The following PRELID2 variants were observed in gnomAD, a reference collection of about 807,000 sequenced individuals.
PRELID2 encodes PRELI domain-containing protein 2.
Under a neutral mutation model 28.4 loss-of-function variants are expected in PRELID2, and 25 were observed. That is an observed-to-expected ratio of 0.88 (90% CI 0.64 to 1.23). The LOEUF (loss-of-function observed/expected upper bound fraction) is 1.23, where lower values mean the gene tolerates loss of function less well. Ranked by LOEUF, PRELID2 falls within the 50% of genes most tolerant of loss-of-function variation. PRELID2 has a pLI of 0.00. For synonymous variants in PRELID2, 76 were observed against 71.6 expected, an observed-to-expected ratio of 1.06 and a Z score of -0.31; for missense variants, 201 against 214.4, an observed-to-expected ratio of 0.94 and a Z score of 0.39.
At chr5:145,532,045 C>T (rs1315382987) in intron 1 of PRELID2, among the ~76,000 whole-genome samples, 1 of 152,028 alleles carries the variant, frequency 6.6e-6, no homozygotes, top group Non-Finnish European at 1.5e-5. Flanking sequence ...TAATGTCTGG[C>T]TTGTAGTAAC....
rs144432118 is a variant in PRELID2, at chr5:145,743,634, G to C, written n.70+21297C>G. Among the ~76,000 whole-genome samples the C allele has an allele frequency of 2.2e-3, 342 of 152,086 alleles. 2 individuals are homozygous for C. Among genetic ancestry groups the C allele is most frequent in the African/African-American group, 8.0e-3 (331 of 41,520 alleles). On this transcript the variant is annotated intron_variant and non_coding_transcript_variant, in intron 1 of 2. Coordinates refer to the PRELID2 transcript ENST00000510259. The stretch of plus-strand genomic sequence containing the variant: ...CAGCCAAGGGAGGTAGTGAGTGAGC[G>C]TGCTACCCAGCGTGGAAACCGTGCT...
At chr5:145,798,677 G>A (rs1455588072) in intron 4 of PRELID2, among the ~76,000 whole-genome samples, 2 of 152,150 alleles carry the variant, frequency 1.3e-5, no homozygotes, top group Non-Finnish European at 2.9e-5. Context: ...TATACACCAT[G>A]GAATAGTATG....
chr5:145,633,678 T>A (rs1021342070), intron 1 of PRELID2, among the ~76,000 whole-genome samples: 7 of 152,122 alleles, frequency 4.6e-5, no homozygotes, highest in African/African-American at 1.7e-4. Flanking sequence ...GACAGAAAAA[T>A]TTCACAAGTG....
chr5:145,409,105 T>C, the PRELID2 span, among the ~76,000 whole-genome samples: 1 of 152,176 alleles, frequency 6.6e-6, no homozygotes, highest in East Asian at 1.9e-4. Flanking sequence ...AGGAGTTTTG[T>C]ATCCAGCAAA....
chr5:145,400,130 G>T, the PRELID2 span, among the ~76,000 whole-genome samples: 3 of 152,074 alleles, frequency 2.0e-5, no homozygotes, highest in Admixed American at 1.3e-4. Context: ...TCAAATTCAG[G>T]CATCAGTCAT....
At chr5:145,267,752 G>A in the PRELID2 span, among the ~76,000 whole-genome samples, 8 of 152,228 alleles carry the variant, frequency 5.3e-5, no homozygotes, top group Non-Finnish European at 8.8e-5. Context: ...CATAGTGGTC[G>A]TGCTAATGTA....
the PRELID2 span, among the ~76,000 whole-genome samples, chr5:145,389,064 C>G: frequency 1.3e-5 from 2 of 152,074 alleles, no homozygotes; most frequent in African/African-American, 4.8e-5. Context: ...AAATATTTAC[C>G]AAATGAATAT....
intron 1 of PRELID2, among the ~76,000 whole-genome samples, chr5:145,621,918 T>C (rs1753779659): frequency 6.6e-6 from 1 of 152,172 alleles, no homozygotes; most frequent in Non-Finnish European, 1.5e-5. Context: ...ACACATTGCA[T>C]GCATGTATTA....
chr5:145,578,333 G>T (rs1324381704), intron 1 of PRELID2, among the ~76,000 whole-genome samples: 2 of 152,120 alleles, frequency 1.3e-5, no homozygotes, highest in Non-Finnish European at 2.9e-5. Context: ...AATGTGTGAA[G>T]CTTTTAAAAT....
At chr5:145,554,952 T>A (rs979456392) in intron 1 of PRELID2, among the ~76,000 whole-genome samples, 1 of 152,242 alleles carries the variant, frequency 6.6e-6, no homozygotes, top group Non-Finnish European at 1.5e-5. Context: ...GTATATATAT[T>A]AATACCTTCT....
intron 1 of PRELID2, among the ~76,000 whole-genome samples, chr5:145,570,265 A>G (rs1292701197): frequency 1.3e-5 from 2 of 152,184 alleles, no homozygotes; most frequent in Admixed American, 6.6e-5. Context: ...AGGGGACACA[A>G]TCCAACCCAT....
chr5:145,319,645 C>T, the PRELID2 span, among the ~76,000 whole-genome samples: 1 of 151,466 alleles, frequency 6.6e-6, no homozygotes, highest in Non-Finnish European at 1.5e-5. Flanking sequence ...CACTCTAGAA[C>T]TCCAGGTTGG....
At chr5:145,559,836 TAAA>T (rs59361990) in intron 1 of PRELID2, among the ~76,000 whole-genome samples, 49 of 142,254 alleles carry the variant, frequency 3.4e-4, no homozygotes, top group Admixed American at 9.0e-4. Flanking sequence ...TAAAAAGAGG[TAAA>T]AAAAAAAAAA....
the PRELID2 span, among the ~76,000 whole-genome samples, chr5:145,368,803 T>G: frequency 5.6e-3 from 856 of 152,012 alleles, 10 homozygotes; most frequent in African/African-American, 0.02. Context: ...TGTTGTTGTT[T>G]TTTTTCATTA....
At chr5:145,479,790 C>T (rs562399354) in intron 1 of PRELID2, among the ~76,000 whole-genome samples, 3 of 152,276 alleles carry the variant, frequency 2.0e-5, no homozygotes, top group African/African-American at 7.2e-5. Flanking sequence ...ATGATCCTTT[C>T]CTTAGCCACT....
chr5:145,832,524 CGTT>C (rs1258237235), intron 1 of PRELID2, among the ~76,000 whole-genome samples: 1 of 152,046 alleles, frequency 6.6e-6, no homozygotes, highest in Non-Finnish European at 1.5e-5. Flanking sequence ...CCTCAATAAT[CGTT>C]GAAGTGCCTA....
chr5:145,833,329 G>A (rs1268647084), intron 1 of PRELID2, among the ~76,000 whole-genome samples: 2 of 152,138 alleles, frequency 1.3e-5, no homozygotes, highest in Admixed American at 6.5e-5. Flanking sequence ...GTTCTGAGAA[G>A]GTGGAGATCA....
chr5:145,761,342 C>T lies in PRELID2; in HGVS notation c.*11-817G>A, dbSNP rs890553103. Among the ~76,000 whole-genome samples the T allele has an allele frequency of 7.9e-5, 12 of 152,168 alleles. 1 individual carries two copies. The highest frequency in any genetic ancestry group is 1.8e-4 in the Non-Finnish European group (12 of 68,014). On this transcript the variant is annotated intron_variant, in intron 6 of 6. Coordinates refer to ENST00000683046, the MANE Select transcript of PRELID2 (RefSeq NM_205846.3). ...ACTCCATTGTGTACGCGCATTGGAA[C>T]TTTATGAGCAATTTTAGTGACCACT... is the stretch of plus-strand genomic sequence containing the variant.
chr5:145,701,478 T>C (rs552847616), intron 1 of PRELID2, among the ~76,000 whole-genome samples: 35 of 152,320 alleles, frequency 2.3e-4, no homozygotes, highest in Non-Finnish European at 2.6e-4. Flanking sequence ...ATAGTATTGA[T>C]TTTAAAAAGA....
Sources: gnomAD v4.1 joint callset for allele counts (sites outside exome capture counted in the v4.1 genomes callset) on GRCh38, gnomAD v4.1.1 for gene constraint, MANE v1.5 for transcripts, NCBI Gene and HGNC (gene_info 2026-07-23, HGNC 2026-07-21) for gene names.